FNIP2: variants seen among roughly 807,000 people sequenced by gnomAD.
FNIP2 encodes folliculin interacting protein 2.
A neutral mutation model predicts 108.7 loss-of-function variants in FNIP2; 32 were observed. The observed-to-expected ratio is 0.29, with a 90% CI of 0.22 to 0.40. The LOEUF is 0.40. FNIP2 is among the 10% of genes least tolerant of loss of function. The pLI, the probability that FNIP2 is intolerant of heterozygous loss-of-function variation, is 1.00. For missense variants in FNIP2, 1,202 were observed against 1,381.6 expected (o/e 0.87, Z 2.06); for synonymous variants, 480 against 496.7 (o/e 0.97, Z 0.45).
At chr4:158,787,875 G>A (rs1038726548) in intron 1 of FNIP2, among the ~76,000 whole-genome samples, 1 of 152,112 alleles carries the variant, frequency 6.6e-6, no homozygotes, top group African/African-American at 2.4e-5. Flanking sequence ...CAGTCAAAGC[G>A]AATTTGTCTC....
intron 14 of FNIP2, among the ~76,000 whole-genome samples, chr4:158,882,547 C>T (rs1054595543): frequency 6.6e-6 from 1 of 152,152 alleles, no homozygotes; most frequent in Non-Finnish European, 1.5e-5. Flanking sequence ...GCGGTTTTGT[C>T]GAATAGAAAA....
chr4:158,836,921 A>C (rs2126608055), intron 7 of FNIP2, among the ~76,000 whole-genome samples: 1 of 152,020 alleles, frequency 6.6e-6, no homozygotes, highest in East Asian at 1.9e-4. Context: ...CTTATGAAGC[A>C]CTAAGTAAAC....
intron 12 of FNIP2, among the ~76,000 whole-genome samples, chr4:158,865,966 G>A (rs946191852): frequency 1.3e-5 from 2 of 151,662 alleles, no homozygotes; most frequent in Admixed American, 6.6e-5. Context: ...GGGAATACTC[G>A]CAGAAGGAGG....
rs753382762 is a variant in FNIP2, at chr4:158,851,470, T to C, written c.857+20T>C. 1.4e-5 allele frequency: 22 copies of C among 1,613,794 alleles called. No individual in the cohort carries two copies. Among genetic ancestry groups the C allele is most frequent in the Non-Finnish European group, 1.9e-5 (22 of 1,179,766 alleles). ...AAGAAGGTGAGTTGCAAGTTTCCTC[T>C]TGCTGAGAAAAGTAGGAGTGTAGGC... On this transcript the variant is annotated intron_variant, in intron 8 of 16. Transcript: ENST00000264433.
At chr4:158,897,084 C>T (rs1311232552) in intron 16 of FNIP2, among the ~76,000 whole-genome samples, 1 of 151,872 alleles carries the variant, frequency 6.6e-6, no homozygotes, top group Non-Finnish European at 1.5e-5. Context: ...TGAGGGAGCA[C>T]ATGCGGTGTT....
chr4:158,906,117 T>C lies in FNIP2; in HGVS notation c.*1573T>C, dbSNP rs762570348. The C allele has an allele frequency of 4.6e-5, 7 of 152,200 alleles. No individual in the cohort carries two copies. The South Asian group carries it at 8.3e-4, about 18-fold the overall frequency. 9.4% of individuals were successfully genotyped at this position (152,200 alleles called of 1,614,324 possible). ...TTATGTCATTCATTGAAAATTGAAA[T>C]GTTCATTCTTTTTAATGTTTTCCTA... is the stretch of plus-strand genomic sequence containing the variant. On this transcript the variant is annotated 3_prime_UTR_variant, in exon 17 of 17. Coordinates refer to ENST00000264433, the MANE Select transcript of FNIP2 (RefSeq NM_020840.3).
rs1365849440 is a variant in FNIP2, at chr4:158,835,412, C to T, written c.663C>T (p.Ser221=). Residue 221 remains serine, a synonymous_variant, in exon 7 of 17, where the codon AGC becomes AGT. Coordinates refer to ENST00000264433, the MANE Select transcript of FNIP2 (RefSeq NM_020840.3). ...CTTGTTCCTTTATCTTAGCACACAG[C>T]ACACCAGTTGATATGCCAAGCAGAG... ...PCRTGSNLAH[S]TPVDMPSRGQ... 6.2e-7 allele frequency: 1 copy of T among 1,612,192 alleles called. No individual in the cohort carries two copies. Among genetic ancestry groups the T allele is most frequent in the Admixed American group, 1.7e-5 (1 of 59,966 alleles).
intron 12 of FNIP2, among the ~76,000 whole-genome samples, chr4:158,866,920 T>C (rs748465996): frequency 6.6e-6 from 1 of 152,242 alleles, no homozygotes; most frequent in Non-Finnish European, 1.5e-5. Flanking sequence ...GTCCAGTTAG[T>C]AAACATAGGT....
chr4:158,805,961 G>A (rs550287333), intron 1 of FNIP2: 2 of 233,582 alleles, frequency 8.6e-6, no homozygotes, highest in South Asian at 8.5e-5. Flanking sequence ...TGCAGACAGC[G>A]TGTTTTGTAA....
intron 1 of FNIP2, among the ~76,000 whole-genome samples, chr4:158,770,390 C>G (rs896390951): frequency 3.3e-5 from 5 of 152,196 alleles, no homozygotes; most frequent in Non-Finnish European, 5.9e-5. Context: ...CTTGCAAAAA[C>G]AGTTCACTGT....
At chr4:158,852,394 T>G (rs1779748400) in intron 8 of FNIP2, among the ~76,000 whole-genome samples, 1 of 152,132 alleles carries the variant, frequency 6.6e-6, no homozygotes, top group South Asian at 2.1e-4. Context: ...AAAGAAAAAA[T>G]TATAGCTTTG....
At chr4:158,886,412 C>A (rs1782027406) in intron 14 of FNIP2, among the ~76,000 whole-genome samples, 1 of 152,156 alleles carries the variant, frequency 6.6e-6, no homozygotes, top group African/African-American at 2.4e-5. Context: ...TTCCGAGTTA[C>A]CCAATTAAGT....
chr4:158,799,088 GAGA>G (rs1208867327), intron 1 of FNIP2, among the ~76,000 whole-genome samples: 6 of 152,198 alleles, frequency 3.9e-5, no homozygotes, highest in Admixed American at 3.3e-4. Flanking sequence ...ACAGAATGAT[GAGA>G]AGGTTTTACC....
At chr4:158,781,233 G>A (rs1776036272) in intron 1 of FNIP2, among the ~76,000 whole-genome samples, 1 of 152,092 alleles carries the variant, frequency 6.6e-6, no homozygotes, top group African/African-American at 2.4e-5. Flanking sequence ...GGCTAGTTAG[G>A]GAGGCTTTAT....
At chr4:158,793,415 A>G (rs578115102) in intron 1 of FNIP2, among the ~76,000 whole-genome samples, 1 of 152,222 alleles carries the variant, frequency 6.6e-6, no homozygotes, top group Non-Finnish European at 1.5e-5. Context: ...TACCATGGAA[A>G]GATGTAGAGA....
At chr4:158,901,328 T>C (rs1251063379) in intron 16 of FNIP2, among the ~76,000 whole-genome samples, 1 of 152,088 alleles carries the variant, frequency 6.6e-6, no homozygotes, top group Non-Finnish European at 1.5e-5. Context: ...CCCCACTCTC[T>C]TCTGGCTTGT....
At chr4:158,813,701 G>T (rs1777408518) in intron 1 of FNIP2, among the ~76,000 whole-genome samples, 1 of 152,158 alleles carries the variant, frequency 6.6e-6, no homozygotes, top group South Asian at 2.1e-4. Context: ...GCTTCTCAAT[G>T]ATTTCTTTCG....
intron 1 of FNIP2, chr4:158,806,437 G>T: frequency 1.6e-6 from 2 of 1,280,770 alleles, no homozygotes; most frequent in Non-Finnish European, 2.0e-6. Context: ...TGAAACTTTA[G>T]TTGTTTCAAA....
chr4:158,803,878 G>A (rs577160841), intron 1 of FNIP2, among the ~76,000 whole-genome samples: 1 of 152,292 alleles, frequency 6.6e-6, no homozygotes, highest in South Asian at 2.1e-4. Context: ...CAGACTGTAT[G>A]CATCTGACTA....
Sources: gnomAD v4.1 joint callset for allele counts (sites outside exome capture counted in the v4.1 genomes callset) on GRCh38, gnomAD v4.1.1 for gene constraint, MANE v1.5 for transcripts, NCBI Gene and HGNC (gene_info 2026-07-23, HGNC 2026-07-21) for gene names.